PAPSS1: variants seen among roughly 807,000 people sequenced by gnomAD.
PAPSS1 encodes 3'-phosphoadenosine 5'-phosphosulfate synthase 1.
PAPSS1 carries 50 observed loss-of-function variants against 72.0 expected under a neutral mutation model. The observed-to-expected ratio is 0.69, with a 90% CI of 0.55 to 0.88. The LOEUF (loss-of-function observed/expected upper bound fraction) is 0.88, where lower values mean the gene tolerates loss of function less well. Among genes scored for constraint, PAPSS1 ranks in the 40% least tolerant of loss-of-function variants. PAPSS1 has a pLI of 0.00. For synonymous variants in PAPSS1, 261 were observed against 263.6 expected (o/e 0.99, Z 0.09); for missense variants, 657 against 782.2 (o/e 0.84, Z 1.91).
At chr4:107,701,128 G>A in intron 2 of PAPSS1, 43 bp downstream of exon 2, 1 of 1,307,072 alleles carries the variant, frequency 7.7e-7, no homozygotes, top group South Asian at 1.2e-5. Flanking sequence ...TTACCTATAT[G>A]CACTGCTTTT....
chr4:107,659,101 G>A (rs928989819), intron 6 of PAPSS1, among the ~76,000 whole-genome samples: 1 of 152,116 alleles, frequency 6.6e-6, no homozygotes, highest in African/African-American at 2.4e-5. Context: ...TTGTTCTTAT[G>A]TAACAGTTCA....
intron 1 of PAPSS1, among the ~76,000 whole-genome samples, chr4:107,716,849 C>A (rs1723651843): frequency 6.6e-6 from 1 of 152,216 alleles, no homozygotes. Flanking sequence ...TTTCCCATCT[C>A]TTTGCCTATT....
chr4:107,711,285 T>C (rs957699579), intron 1 of PAPSS1, among the ~76,000 whole-genome samples: 1 of 152,228 alleles, frequency 6.6e-6, no homozygotes, highest in African/African-American at 2.4e-5. Context: ...TAGGCTAATA[T>C]TGCATGTCCT....
chr4:107,687,842 T>G (rs1722826720), intron 3 of PAPSS1, among the ~76,000 whole-genome samples: 1 of 152,122 alleles, frequency 6.6e-6, no homozygotes, highest in African/African-American at 2.4e-5. Flanking sequence ...TGCCAATATT[T>G]TCAAAGCTGG....
chr4:107,646,615 C>T (rs2110313145), intron 9 of PAPSS1, among the ~76,000 whole-genome samples: 1 of 145,450 alleles, frequency 6.9e-6, no homozygotes, highest in Non-Finnish European at 1.5e-5. Flanking sequence ...CTGATGAAGG[C>T]TCATCTGACA....
At chr4:107,625,938 T>C (rs565679151) in intron 11 of PAPSS1, among the ~76,000 whole-genome samples, 6 of 151,848 alleles carry the variant, frequency 4.0e-5, no homozygotes, top group Non-Finnish European at 8.8e-5. Flanking sequence ...TCCCAGCACT[T>C]TGGGAGGCCG....
At chr4:107,689,117 T>G (rs1364746406) in intron 3 of PAPSS1, among the ~76,000 whole-genome samples, 1 of 152,186 alleles carries the variant, frequency 6.6e-6, no homozygotes, top group Non-Finnish European at 1.5e-5. Flanking sequence ...TCTTCTGGCT[T>G]CTAACTCGGA....
intron 4 of PAPSS1, among the ~76,000 whole-genome samples, chr4:107,684,412 T>C (rs1262025226): frequency 6.6e-6 from 1 of 152,222 alleles, no homozygotes; most frequent in Non-Finnish European, 1.5e-5. Context: ...TGCCATATTT[T>C]GAAATGGCCC....
chr4:107,681,999 T>C lies in PAPSS1; in HGVS notation c.669+16A>G. ...ATAATTTTTCTCTGATGATTCCTTC[T>C]TTCATCCTCTCTTACCCGTTCCTGT... On this transcript the variant is annotated intron_variant, in intron 5 of 11. Transcript: ENST00000265174. 1.6e-6 allele frequency: 2 copies of C among 1,260,374 alleles called. No individual in the cohort carries two copies. Among genetic ancestry groups the C allele is most frequent in the Non-Finnish European group, 1.1e-6 (1 of 881,964 alleles). 78.1% of individuals were successfully genotyped at this position (1,260,374 alleles called of 1,614,324 possible). A position where few individuals can be genotyped will look rare whatever the true frequency, so the allele number is the denominator to read the frequency against.
intron 1 of PAPSS1, among the ~76,000 whole-genome samples, chr4:107,714,579 G>T (rs868441008): frequency 5.3e-5 from 8 of 152,130 alleles, no homozygotes; most frequent in Admixed American, 3.3e-4. Context: ...GGAAAAAAAT[G>T]CCACAACAAT....
rs558054025 is a variant in PAPSS1, at chr4:107,701,232, G to A, written c.114C>T (p.Asn38=). The part of the protein sequence containing the change: ...VTYQAHHVSR[N]KRGQVVGTRG... Reference sequence around the variant, plus strand: ...TGGTCCCCACCACCTGACCTCTCTTGTTCCTGCTGACATGATGGGCTTGGT... The same window carrying A: ...TGGTCCCCACCACCTGACCTCTCTTATTCCTGCTGACATGATGGGCTTGGT... Residue 38 remains asparagine (N), a synonymous_variant, in exon 2 of 12, where the codon AAC becomes AAT. Coordinates refer to ENST00000265174, the MANE Select transcript of PAPSS1 (RefSeq NM_005443.5). 2 of 1,613,442 alleles carry A rather than the reference G, an allele frequency of 1.2e-6. No homozygotes were observed. Among genetic ancestry groups the A allele is most frequent in the East Asian group, 2.2e-5 (1 of 44,840 alleles).
intron 1 of PAPSS1, among the ~76,000 whole-genome samples, chr4:107,711,674 G>C (rs1170583483): frequency 1.3e-5 from 2 of 152,114 alleles, no homozygotes; most frequent in Admixed American, 1.3e-4. Context: ...TATGTCCCTA[G>C]ACACAATATG....
chr4:107,614,180 C>G lies in PAPSS1; in HGVS notation c.*69G>C. On this transcript the variant is annotated 3_prime_UTR_variant, in exon 12 of 12. Coordinates refer to ENST00000265174, the MANE Select transcript of PAPSS1 (RefSeq NM_005443.5). ...CCAGACAGACACCACAAAGAAATGC[C>G]AACAGAGACTATGTGGTCCCCTCTT... 1 of 1,469,268 alleles carries G rather than the reference C, an allele frequency of 6.8e-7. No homozygotes were observed. Among genetic ancestry groups the G allele is most frequent in the Non-Finnish European group, 9.3e-7 (1 of 1,072,230 alleles). The allele number at this position is 1,469,268 out of a possible 1,614,324, so 91.0% of individuals were successfully genotyped here.
At chr4:107,708,755 T>G (rs905259560) in intron 1 of PAPSS1, among the ~76,000 whole-genome samples, 3 of 152,006 alleles carry the variant, frequency 2.0e-5, no homozygotes, top group Non-Finnish European at 4.4e-5. Context: ...TATAAGGAGA[T>G]TTTTTTTGGT....
intron 3 of PAPSS1, 80 bp from the exon 4 acceptor site, chr4:107,687,257 T>C: frequency 1.9e-6 from 2 of 1,051,060 alleles, no homozygotes; most frequent in Non-Finnish European, 2.6e-6. Flanking sequence ...TAAAAAGTGC[T>C]TCTCATCCAA....
At chr4:107,675,334 A>T (rs916992751) in intron 5 of PAPSS1, among the ~76,000 whole-genome samples, 7 of 152,214 alleles carry the variant, frequency 4.6e-5, no homozygotes, top group Non-Finnish European at 1.0e-4. Flanking sequence ...TAGATGCAAT[A>T]AAAAATGATA....
intron 11 of PAPSS1, among the ~76,000 whole-genome samples, chr4:107,625,445 C>T (rs966700150): frequency 2.0e-5 from 3 of 152,020 alleles, no homozygotes; most frequent in African/African-American, 7.3e-5. Flanking sequence ...GATGAAGCAG[C>T]CCACAAAAAA....
chr4:107,673,395 T>G (rs1727549394), intron 5 of PAPSS1, among the ~76,000 whole-genome samples: 1 of 151,776 alleles, frequency 6.6e-6, no homozygotes, highest in African/African-American at 2.4e-5. Flanking sequence ...AACCAAGGCA[T>G]GAGAACTACG....
chr4:107,689,894 C>A lies in PAPSS1; in HGVS notation c.412-2717G>T, dbSNP rs1262236116. Among the ~76,000 whole-genome samples, 7 of 152,238 alleles carry A rather than the reference C, an allele frequency of 4.6e-5. No individual in the cohort carries two copies. In the East Asian group the frequency reaches 1.4e-3, roughly 29 times the overall value. ...CCTGTACTTCATAACTCAGTCATAC[C>A]AACCTTTATTCAGAAAGCACCATGC... On this transcript the variant is annotated intron_variant, in intron 3 of 11. Coordinates refer to ENST00000265174, the MANE Select transcript of PAPSS1 (RefSeq NM_005443.5).
Sources: allele counts gnomAD v4.1 joint callset (sites outside exome capture counted in the v4.1 genomes callset), GRCh38; gene constraint gnomAD v4.1.1; transcripts MANE v1.5; gene names NCBI Gene and HGNC (gene_info 2026-07-23, HGNC 2026-07-21).